ETFB: variants seen among roughly 807,000 people sequenced by gnomAD.
The protein encoded by ETFB is beta-ETF.
A neutral mutation model predicts 25.6 loss-of-function variants in ETFB; 20 were observed. The ratio of observed to expected loss-of-function variants is 0.78; its 90% confidence interval spans 0.55 to 1.14. ETFB has a LOEUF of 1.14. ETFB is among the 50% of genes most tolerant of loss of function. The probability of loss-of-function intolerance (pLI) is 0.00; values close to 1 mark genes in which losing one functional copy is unlikely to be tolerated. For synonymous variants in ETFB, 142 were observed against 146.7 expected (o/e 0.97, Z 0.23); for missense variants, 286 against 342.6 (o/e 0.83, Z 1.30).
At position 51,353,165 on chromosome 19, in the gene ETFB, CT is replaced by C; in HGVS notation, c.341del (p.Lys114ArgfsTer24). ...CCAGCAGCACCAGGTCCACCTTCTCCTTCTCTGCCAGCTTGGCCAGGACCCG... is the reference window on the plus strand; with the variant it reads ...CCAGCAGCACCAGGTCCACCTTCTCCTCTCTGCCAGCTTGGCCAGGACCCG... ...VARVLAKLAE[K>X]EKVDLVLLGK... On this transcript the variant is annotated frameshift_variant, in exon 3 of 6. Coordinates refer to ENST00000309244, the MANE Select transcript of ETFB (RefSeq NM_001985.3). LOFTEE classifies it high-confidence loss of function. 6.2e-7 allele frequency: 1 copy of C among 1,614,140 alleles called. No homozygotes were observed. The highest frequency in any genetic ancestry group is 1.3e-5 in the African/African-American group (1 of 75,052).
chr19:51,360,330 A>C (rs1463800394), intron 1 of ETFB, among the ~76,000 whole-genome samples: 1 of 150,440 alleles, frequency 6.6e-6, no homozygotes, highest in Non-Finnish European at 1.5e-5. Flanking sequence ...TGAACCCGGG[A>C]GGTGGAGGTT....
intron 4 of ETFB, among the ~76,000 whole-genome samples, chr19:51,349,936 G>A (rs1482813568): frequency 6.6e-6 from 1 of 152,064 alleles, no homozygotes; most frequent in Non-Finnish European, 1.5e-5. Context: ...TAGTGGAGAC[G>A]AGGTTTCAAC....
rs114985874 is a variant in ETFB at position 51,350,309 on chromosome 19, G to A, written c.438+20C>T. ...GATGAGGGCCTGGCCCTCAGCAGGT[G>A]CTCCCCACTCCAGTCTCACCTGTGG... On this transcript the variant is annotated intron_variant, in intron 4 of 5. Coordinates refer to ENST00000309244, the MANE Select transcript of ETFB (RefSeq NM_001985.3). 1.5e-3 allele frequency: 2,363 copies of A among 1,606,608 alleles called. 35 individuals are homozygous for A. In the African/African-American group the frequency reaches 0.021, roughly 14 times the overall value.
At chr19:51,348,803 T>G (rs1985861776) in intron 4 of ETFB, among the ~76,000 whole-genome samples, 1 of 152,258 alleles carries the variant, frequency 6.6e-6, no homozygotes, top group South Asian at 2.1e-4. Flanking sequence ...CTTGGGTGTG[T>G]AAATCTATTT....
intron 2 of ETFB, among the ~76,000 whole-genome samples, chr19:51,353,652 TCC>T (rs1453193333): frequency 5.5e-4 from 47 of 84,828 alleles, no homozygotes; most frequent in South Asian, 9.3e-4. Context: ...CGGGCCCCCA[TCC>T]CCTCCTTCTT....
chr19:51,347,966 A>G (rs993676640), intron 4 of ETFB: 4 of 152,268 alleles, frequency 2.6e-5, no homozygotes, highest in South Asian at 4.1e-4. Context: ...AGAAGGGCGC[A>G]CGTTGGAGAA....
In ETFB at chr19:51,366,338, A is replaced by C. The variant is rs1225641686; in HGVS notation, c.-12T>G. 30 of 1,612,264 alleles carry C rather than the reference A, an allele frequency of 1.9e-5. No individual in the cohort carries two copies. Among genetic ancestry groups the C allele is most frequent in the Non-Finnish European group, 2.5e-5 (29 of 1,179,846 alleles). On this transcript the variant is annotated 5_prime_UTR_variant, in exon 1 of 6. Transcript: ENST00000309244. ...CGCAGCTCCGCCATCTTCCCGCCGC[A>C]GCCACTTACAGGGTCAGCCCGCACC... is the stretch of plus-strand genomic sequence containing the variant.
chr19:51,359,228 T>C (rs1448869595), intron 1 of ETFB, among the ~76,000 whole-genome samples: 1 of 151,618 alleles, frequency 6.6e-6, no homozygotes, highest in Non-Finnish European at 1.5e-5. Context: ...ATTTTTTTTT[T>C]TTTACTTTTT....
intron 5 of ETFB, 171 bp from the exon 6 acceptor site, chr19:51,345,552 C>A (rs1003891633): frequency 2.5e-5 from 17 of 691,442 alleles, no homozygotes; most frequent in Admixed American, 6.5e-5. Context: ...CTGGTGTGGA[C>A]AACTCCTGCT....
At chr19:51,355,477 CTT>C (rs981502282) in intron 1 of ETFB, 7 of 152,150 alleles carry the variant, frequency 4.6e-5, no homozygotes, top group Admixed American at 6.5e-5. Flanking sequence ...AAAAGGAACA[CTT>C]TTACACTGTT....
chr19:51,354,384 C>T (rs1414818117), intron 1 of ETFB, 76 bp from the exon 2 acceptor site: 1 of 1,614,136 alleles, frequency 6.2e-7, no homozygotes, highest in South Asian at 1.1e-5. Flanking sequence ...CCAACCCTCT[C>T]CCAGGCTGGA....
At chr19:51,357,074 T>G (rs1986097153) in intron 1 of ETFB, 1 of 151,544 alleles carries the variant, frequency 6.6e-6, no homozygotes, top group Non-Finnish European at 1.5e-5. Context: ...TGTTTCTAAT[T>G]TCTTTTTTTT....
intron 1 of ETFB, chr19:51,361,692 C>T (rs1428243862): frequency 1.4e-5 from 2 of 141,234 alleles, no homozygotes; most frequent in Admixed American, 1.5e-4. Flanking sequence ...CCCAGCCTCT[C>T]CTGGGTTTTT....
chr19:51,349,090 A>G (rs1193970613), intron 4 of ETFB, among the ~76,000 whole-genome samples: 1 of 152,224 alleles, frequency 6.6e-6, no homozygotes. Flanking sequence ...GATAAATTAC[A>G]TGGGATATTT....
Position 51,353,350 on chromosome 19 carries a change from C to T in ETFB, c.217-60G>A, listed in dbSNP as rs111522316. 0.043 allele frequency: 61,848 copies of T among 1,454,120 alleles called. 4,871 individuals carry two copies. Among genetic ancestry groups the T allele is most frequent in the African/African-American group, 0.25 (15,256 of 60,798 alleles). 90.1% of individuals were successfully genotyped at this position (1,454,120 alleles called of 1,614,324 possible). A position where few individuals can be genotyped will look rare whatever the true frequency, so the allele number is the denominator to read the frequency against. On this transcript the variant is annotated intron_variant, in intron 2 of 5. Transcript: ENST00000309244. Reference sequence around the variant, plus strand: ...TCCTCAGGGGGACCTAGGAGTCTGGCTCGCAGCCCCTCCTTCCTCAGACCC... The same window carrying T: ...TCCTCAGGGGGACCTAGGAGTCTGGTTCGCAGCCCCTCCTTCCTCAGACCC...
At position 51,357,486 on chromosome 19, in the gene ETFB, C is replaced by CTTTTTTT. The variant is rs199903123; in HGVS notation, c.58-3179_58-3178insAAAAAAA. Among the ~76,000 whole-genome samples the CTTTTTTT allele has an allele frequency of 3.0e-3, 303 of 100,710 alleles. 8 individuals are homozygous for CTTTTTTT. The highest frequency in any genetic ancestry group is 6.9e-3 in the Middle Eastern group (1 of 144). The allele number at this position is 100,710 out of a possible 152,430, so 66.1% of individuals were successfully genotyped here. ...GCCCACCACAATCCTTTTTTTCTTT[C>CTTTTTTT]TTTCTTTTTTTTTTTTTTTTTGAGA... On this transcript the variant is annotated intron_variant, in intron 1 of 5. Transcript: ENST00000309244.
intron 1 of ETFB, among the ~76,000 whole-genome samples, chr19:51,358,832 A>AAAC (rs1555755816): frequency 1.2e-4 from 8 of 67,034 alleles, no homozygotes; most frequent in Admixed American, 3.8e-4. Flanking sequence ...AAACAACAAC[A>AAAC]AAAAAAAAAA....
intron 4 of ETFB, among the ~76,000 whole-genome samples, chr19:51,349,445 T>TAC (rs1282851205): frequency 4.5e-5 from 2 of 44,720 alleles, no homozygotes; most frequent in African/African-American, 2.9e-4. Context: ...TGTGCCTTGC[T>TAC]TCTTTTTTTT....
At chr19:51,358,043 C>T (rs906967984) in intron 1 of ETFB, among the ~76,000 whole-genome samples, 2 of 152,126 alleles carry the variant, frequency 1.3e-5, no homozygotes, top group Non-Finnish European at 2.9e-5. Flanking sequence ...GGGAAGACGG[C>T]GAGTTTGGTT....
Sources: gnomAD v4.1 joint callset for allele counts (sites outside exome capture counted in the v4.1 genomes callset) on GRCh38, gnomAD v4.1.1 for gene constraint, MANE v1.5 for transcripts, NCBI Gene and HGNC (gene_info 2026-07-23, HGNC 2026-07-21) for gene names.